Variants in PPARGC1A observed in about 807,000 individuals in gnomAD.
PPARGC1A encodes PPARG coactivator 1 alpha, also known as peroxisome proliferator-activated receptor gamma coactivator 1-alpha.
PPARGC1A carries 25 observed loss-of-function variants against 88.7 expected under a neutral mutation model. That is an observed-to-expected ratio of 0.28 (90% CI 0.21 to 0.39). The LOEUF (loss-of-function observed/expected upper bound fraction) is 0.39, where lower values mean the gene tolerates loss of function less well. Ranked by LOEUF, PPARGC1A falls within the 10% of genes least tolerant of loss-of-function variation. The pLI is 1.00. For missense variants in PPARGC1A, 880 were observed against 968.7 expected, an observed-to-expected ratio of 0.91 and a Z score of 1.22; for synonymous variants, 363 against 355.6, an observed-to-expected ratio of 1.02 and a Z score of -0.24.
At position 23,796,406 on chromosome 4, in the gene PPARGC1A, A is replaced by G. The variant is rs376696020; in HGVS notation, c.2294-481T>C. On this transcript the variant is annotated intron_variant, in intron 12 of 12. Transcript: ENST00000264867. The stretch of plus-strand genomic sequence containing the variant: ...TTCTCTTTGAGGCAGGAGGGGACAT[A>G]TGATGTGGTCCTCTACTTCCGTACC... 4.6e-5 allele frequency among the ~76,000 whole-genome samples: 7 copies of G among 152,170 alleles called. No homozygotes were observed. In the East Asian group the frequency reaches 9.6e-4, roughly 21 times the overall value.
the PPARGC1A span, among the ~76,000 whole-genome samples, chr4:24,374,564 A>T: frequency 1.1e-5 from 1 of 88,728 alleles, no homozygotes; most frequent in Non-Finnish European, 2.2e-5. Flanking sequence ...AATAAATGTT[A>T]AAAAAAAAAG....
intron 12 of PPARGC1A, among the ~76,000 whole-genome samples, chr4:23,797,493 T>A (rs2109312365): frequency 6.6e-6 from 1 of 152,310 alleles, no homozygotes. Context: ...ATCAGGGACA[T>A]ACACACATAC....
chr4:24,150,455 GA>G, the PPARGC1A span, among the ~76,000 whole-genome samples: 195 of 152,214 alleles, frequency 1.3e-3, 3 homozygotes, highest in African/African-American at 4.6e-3. Context: ...ACAACGTTCA[GA>G]AAAAAACTCA....
At chr4:23,806,629 G>T (rs1489039808) in intron 10 of PPARGC1A, among the ~76,000 whole-genome samples, 1 of 152,100 alleles carries the variant, frequency 6.6e-6, no homozygotes, top group Non-Finnish European at 1.5e-5. Flanking sequence ...TACGCTGATG[G>T]GGTGGATAAT....
chr4:23,829,361 G>A (rs1337402809), intron 4 of PPARGC1A, 102 bp downstream of exon 4: 20 of 1,279,882 alleles, frequency 1.6e-5, no homozygotes, highest in South Asian at 1.4e-4. Flanking sequence ...AGGCAGCTTC[G>A]GGGTCCCAGC....
the PPARGC1A span, among the ~76,000 whole-genome samples, chr4:24,175,757 T>C: frequency 1.3e-5 from 2 of 151,832 alleles, no homozygotes; most frequent in African/African-American, 4.8e-5. Context: ...AGCTCCAACG[T>C]AACCATAAAT....
the PPARGC1A span, among the ~76,000 whole-genome samples, chr4:23,976,763 A>G: frequency 6.6e-6 from 1 of 152,174 alleles, no homozygotes; most frequent in African/African-American, 2.4e-5. Context: ...AGCAAAGGGG[A>G]CAGGCCTCAT....
At chr4:24,379,164 G>T in the PPARGC1A span, among the ~76,000 whole-genome samples, 1 of 151,954 alleles carries the variant, frequency 6.6e-6, no homozygotes, top group Non-Finnish European at 1.5e-5. Context: ...ATAAATTATC[G>T]CATGTCTATA....
At chr4:24,225,151 C>A in the PPARGC1A span, among the ~76,000 whole-genome samples, 1 of 152,282 alleles carries the variant, frequency 6.6e-6, no homozygotes, top group South Asian at 2.1e-4. Context: ...TAGTTTTTAA[C>A]AGAGCCTGCT....
At chr4:24,309,239 C>G in the PPARGC1A span, among the ~76,000 whole-genome samples, 1 of 152,166 alleles carries the variant, frequency 6.6e-6, no homozygotes, top group African/African-American at 2.4e-5. Context: ...GAAAGTAACT[C>G]TCCTGATTGA....
chr4:23,962,735 C>T, the PPARGC1A span, among the ~76,000 whole-genome samples: 1 of 152,260 alleles, frequency 6.6e-6, no homozygotes, highest in Non-Finnish European at 1.5e-5. Context: ...TTGACTGAAA[C>T]CCAAGTAGGG....
the PPARGC1A span, among the ~76,000 whole-genome samples, chr4:24,296,105 T>C: frequency 0.25 from 36,985 of 150,572 alleles, 5,190 homozygotes; most frequent in South Asian, 0.33. Context: ...TACATATATA[T>C]GTACATATAT....
the PPARGC1A span, among the ~76,000 whole-genome samples, chr4:24,031,212 G>A: frequency 6.6e-6 from 1 of 152,126 alleles, no homozygotes; most frequent in East Asian, 1.9e-4. Context: ...GATACAAAAG[G>A]ATTCCCACAA....
chr4:24,107,878 G>A, the PPARGC1A span, among the ~76,000 whole-genome samples: 13 of 152,202 alleles, frequency 8.5e-5, no homozygotes, highest in Non-Finnish European at 8.8e-5. Context: ...ACTGTCAATT[G>A]TAGATGCTGC....
At chr4:23,833,769 T>C (rs1725479178) in intron 2 of PPARGC1A, among the ~76,000 whole-genome samples, 1 of 152,222 alleles carries the variant, frequency 6.6e-6, no homozygotes, top group African/African-American at 2.4e-5. Context: ...CCATTTGTAC[T>C]CCCCAGGGAC....
chr4:23,875,051 C>A (rs1228844328), intron 2 of PPARGC1A, among the ~76,000 whole-genome samples: 2 of 152,212 alleles, frequency 1.3e-5, no homozygotes, highest in Non-Finnish European at 2.9e-5. Flanking sequence ...AGGGTACAAA[C>A]CTTGACCAAC....
the PPARGC1A span, among the ~76,000 whole-genome samples, chr4:24,422,987 C>T: frequency 6.6e-6 from 1 of 152,328 alleles, no homozygotes; most frequent in East Asian, 1.9e-4. Flanking sequence ...AATTAAAATA[C>T]AGCCCCTATT....
chr4:24,087,602 G>A, the PPARGC1A span, among the ~76,000 whole-genome samples: 44 of 152,284 alleles, frequency 2.9e-4, no homozygotes, highest in East Asian at 5.8e-3. Context: ...TCATGCAAGC[G>A]TAATCACCTC....
chr4:23,849,450 A>C (rs989902826), intron 2 of PPARGC1A, among the ~76,000 whole-genome samples: 1 of 152,190 alleles, frequency 6.6e-6, no homozygotes, highest in Non-Finnish European at 1.5e-5. Flanking sequence ...ATAGCTGATA[A>C]AAAGGCTCAC....
Sources: allele counts gnomAD v4.1 joint callset (sites outside exome capture counted in the v4.1 genomes callset), GRCh38; gene constraint gnomAD v4.1.1; transcripts MANE v1.5; gene names NCBI Gene and HGNC (gene_info 2026-07-23, HGNC 2026-07-21).